MPP7: variants seen among roughly 807,000 people sequenced by gnomAD.
MPP7 encodes the protein MAGUK p55 scaffold protein 7.
MPP7 carries 60 observed loss-of-function variants against 76.5 expected under a neutral mutation model. That is an observed-to-expected ratio of 0.78 (90% CI 0.64 to 0.97). The LOEUF (loss-of-function observed/expected upper bound fraction) is 0.97, where lower values mean the gene tolerates loss of function less well. Among genes scored for constraint, MPP7 ranks in the 50% least tolerant of loss-of-function variants. The pLI is 0.00. For synonymous variants in MPP7, 237 were observed against 244.5 expected, an observed-to-expected ratio of 0.97 and a Z score of 0.29; for missense variants, 641 against 694.0, an observed-to-expected ratio of 0.92 and a Z score of 0.86.
intron 1 of MPP7, among the ~76,000 whole-genome samples, chr10:28,251,945 C>T (rs1209249678): frequency 1.3e-5 from 2 of 152,178 alleles, no homozygotes; most frequent in Non-Finnish European, 2.9e-5. Context: ...ATTTGTTTCA[C>T]TTTGGGTCTT....
intron 12 of MPP7, among the ~76,000 whole-genome samples, chr10:28,077,846 A>G (rs1852570571): frequency 6.6e-6 from 1 of 152,256 alleles, no homozygotes; most frequent in African/African-American, 2.4e-5. Flanking sequence ...TCTTTAAATC[A>G]TAGACAACAG....
chr10:28,324,700 A>G (rs12098315), intron 2 of MPP7, among the ~76,000 whole-genome samples: 19,565 of 152,256 alleles, frequency 0.13, 1,654 homozygotes, highest in African/African-American at 0.23. Flanking sequence ...AGGTTTAACA[A>G]TGCCATGACT....
intron 5 of MPP7, among the ~76,000 whole-genome samples, chr10:28,144,713 C>T (rs1162878400): frequency 2.6e-5 from 4 of 152,138 alleles, no homozygotes; most frequent in Non-Finnish European, 5.9e-5. Context: ...ATGCCACTTC[C>T]TCTGTAAAGT....
chr10:28,263,553 T>C (rs1840055625), intron 1 of MPP7, among the ~76,000 whole-genome samples: 1 of 152,202 alleles, frequency 6.6e-6, no homozygotes, highest in African/African-American at 2.4e-5. Flanking sequence ...ATGAGCCATA[T>C]ACAGAAGACT....
chr10:28,306,373 G>A (rs1486036537), upstream of MPP7, among the ~76,000 whole-genome samples: 1 of 152,226 alleles, frequency 6.6e-6, no homozygotes, highest in Non-Finnish European at 1.5e-5. Context: ...AGAAGAGGCT[G>A]CATACAGTAG....
chr10:28,118,321 A>T (rs1353421492), intron 11 of MPP7: 11 of 977,234 alleles, frequency 1.1e-5, no homozygotes, highest in Non-Finnish European at 1.3e-5. Context: ...AAAATTTTCA[A>T]TCAATGAAAA....
At chr10:28,199,264 G>C (rs1449098111) in intron 3 of MPP7, among the ~76,000 whole-genome samples, 1 of 152,060 alleles carries the variant, frequency 6.6e-6, no homozygotes. Context: ...ATTTGGATGG[G>C]GACACAGCTA....
At chr10:28,070,124 G>A (rs1417087647) in intron 12 of MPP7, among the ~76,000 whole-genome samples, 1 of 152,166 alleles carries the variant, frequency 6.6e-6, no homozygotes, top group African/African-American at 2.4e-5. Context: ...TAGGCTGGAT[G>A]TGGTGGCTCA....
chr10:28,261,713 TGAGA>T (rs1839955225), intron 1 of MPP7, among the ~76,000 whole-genome samples: 1 of 152,318 alleles, frequency 6.6e-6, no homozygotes, highest in East Asian at 1.9e-4. Flanking sequence ...TTCTCTATCC[TGAGA>T]GAGAGACCGG....
At chr10:28,228,476 C>T (rs917866667) in intron 2 of MPP7, among the ~76,000 whole-genome samples, 3 of 152,106 alleles carry the variant, frequency 2.0e-5, no homozygotes, top group Non-Finnish European at 4.4e-5. Context: ...AACTAAGCAG[C>T]ACTTCTTGGC....
intron 6 of MPP7, among the ~76,000 whole-genome samples, chr10:28,127,893 C>T (rs776096656): frequency 1.3e-5 from 2 of 152,078 alleles, no homozygotes; most frequent in Non-Finnish European, 2.9e-5. Context: ...AAAGACTGGA[C>T]GGAGGTGAAG....
intron 9 of MPP7, 73 bp downstream of exon 9, chr10:28,120,521 A>C: frequency 6.6e-7 from 1 of 1,518,838 alleles, no homozygotes; most frequent in Non-Finnish European, 9.1e-7. Flanking sequence ...GTTGTGACAA[A>C]GTGGATATGT....
At chr10:28,215,351 A>T (rs915520677) in intron 2 of MPP7, among the ~76,000 whole-genome samples, 1 of 151,744 alleles carries the variant, frequency 6.6e-6, no homozygotes, top group Admixed American at 6.6e-5. Flanking sequence ...AAAAAAAAAT[A>T]AAAGCAAACA....
chr10:28,268,134 C>G (rs1294463353), intron 1 of MPP7, among the ~76,000 whole-genome samples: 1 of 152,114 alleles, frequency 6.6e-6, no homozygotes, highest in Admixed American at 6.5e-5. Flanking sequence ...GAGGCATACT[C>G]TATATTGGGT....
intron 1 of MPP7, among the ~76,000 whole-genome samples, chr10:28,263,383 A>C (rs1274168656): frequency 6.6e-6 from 1 of 152,174 alleles, no homozygotes; most frequent in Non-Finnish European, 1.5e-5. Context: ...GAACACGGAA[A>C]CTGTTCATGT....
At chr10:28,323,270 G>A (rs1235354086) in intron 2 of MPP7, among the ~76,000 whole-genome samples, 1 of 151,946 alleles carries the variant, frequency 6.6e-6, no homozygotes, top group African/African-American at 2.4e-5. Flanking sequence ...GTGTGACAGA[G>A]CGACACTCCA....
chr10:28,293,604 C>T lies in MPP7; in HGVS notation c.-132+9257G>A, dbSNP rs139949609. ...ATAAAATAAGGTGGGAGACTCTACACGGACCAATCATGACAGTGTGCCATG... is the reference window on the plus strand; with the variant it reads ...ATAAAATAAGGTGGGAGACTCTACATGGACCAATCATGACAGTGTGCCATG... On this transcript the variant is annotated intron_variant, in intron 1 of 16. Coordinates refer to ENST00000683449, the MANE Select transcript of MPP7 (RefSeq NM_001318170.2). Among the ~76,000 whole-genome samples the T allele has an allele frequency of 6.1e-3, 930 of 152,338 alleles. 6 individuals are homozygous for T. The highest frequency in any genetic ancestry group is 9.7e-3 in the Non-Finnish European group (659 of 68,030).
intron 3 of MPP7, among the ~76,000 whole-genome samples, chr10:28,179,531 A>G (rs1836991898): frequency 6.6e-6 from 1 of 152,232 alleles, no homozygotes; most frequent in South Asian, 2.1e-4. Flanking sequence ...ATAATAATAA[A>G]TACCTCTACT....
chr10:28,187,476 G>A lies in MPP7; in HGVS notation c.156+14677C>T, dbSNP rs1020630497. On this transcript the variant is annotated intron_variant, in intron 3 of 16. Coordinates refer to ENST00000683449, the MANE Select transcript of MPP7 (RefSeq NM_001318170.2). ...ACCAGCTGCTGCTACCCAAGTCTCC[G>A]CTCTGTCAGACCAGGTGGCCATGGA... Among the ~76,000 whole-genome samples the A allele has an allele frequency of 7.2e-5, 11 of 152,156 alleles. No homozygotes were observed. The East Asian group carries it at 7.7e-4, about 11-fold the overall frequency.
Sources: allele counts gnomAD v4.1 joint callset (sites outside exome capture counted in the v4.1 genomes callset), GRCh38; gene constraint gnomAD v4.1.1; transcripts MANE v1.5; gene names NCBI Gene and HGNC (gene_info 2026-07-23, HGNC 2026-07-21).